ANAPC10: variants seen among roughly 807,000 people sequenced by gnomAD.
The protein encoded by ANAPC10 is anaphase promoting complex subunit 10, also known as anaphase-promoting complex subunit 10.
A neutral mutation model predicts 22.0 loss-of-function variants in ANAPC10; 12 were observed. The observed-to-expected ratio is 0.55, with a 90% CI of 0.35 to 0.88. The LOEUF (loss-of-function observed/expected upper bound fraction) is 0.88, where lower values mean the gene tolerates loss of function less well. Ranked by LOEUF, ANAPC10 falls within the 40% of genes least tolerant of loss-of-function variation. ANAPC10 has a pLI of 0.01. For missense variants in ANAPC10, 188 were observed against 220.9 expected, an observed-to-expected ratio of 0.85 and a Z score of 0.94; for synonymous variants, 65 against 69.5, an observed-to-expected ratio of 0.94 and a Z score of 0.32.
At chr4:145,008,025 G>A (rs952886740) in intron 4 of ANAPC10, among the ~76,000 whole-genome samples, 5 of 151,974 alleles carry the variant, frequency 3.3e-5, no homozygotes, top group Admixed American at 6.6e-5. Flanking sequence ...TCCCACAGAA[G>A]TACAAACTAC....
At chr4:145,006,421 C>G (rs1014259458) in intron 4 of ANAPC10, among the ~76,000 whole-genome samples, 3 of 151,742 alleles carry the variant, frequency 2.0e-5, no homozygotes, top group African/African-American at 7.3e-5. Context: ...TACATGTCTT[C>G]AAATAAGGAA....
At chr4:145,053,670 A>G in intron 4 of ANAPC10, 1 of 517,144 alleles carries the variant, frequency 1.9e-6, no homozygotes, top group South Asian at 2.9e-5. Flanking sequence ...AGAAATGGAC[A>G]CAGAAAAGTA....
intron 2 of ANAPC10, among the ~76,000 whole-genome samples, chr4:145,091,105 T>C (rs768075117): frequency 9.2e-5 from 14 of 152,230 alleles, no homozygotes; most frequent in Non-Finnish European, 1.9e-4. Flanking sequence ...ACATATGACA[T>C]TGCACTACTG....
rs545745638 is a variant in ANAPC10 at position 145,014,984 on chromosome 4, G to C, written c.328-19381C>G. 5.5e-4 allele frequency among the ~76,000 whole-genome samples: 84 copies of C among 152,200 alleles called. 1 individual carries two copies. The highest frequency in any genetic ancestry group is 2.0e-3 in the African/African-American group (83 of 41,522). ...CCTCTGACAGAGGCTATGCAAATGA[G>C]AAAGAACCAGAAAACCAACCCTGGT... On this transcript the variant is annotated intron_variant, in intron 4 of 4. Coordinates refer to ENST00000507656, the MANE Select transcript of ANAPC10 (RefSeq NM_001256706.2).
upstream of ANAPC10, chr4:145,098,253 A>G (rs766797098): frequency 5.9e-5 from 9 of 152,270 alleles, no homozygotes; most frequent in African/African-American, 1.4e-4. Context: ...GTTCCGCCTC[A>G]CGCTCTATGT....
chr4:145,033,554 G>A (rs892538667), intron 4 of ANAPC10, among the ~76,000 whole-genome samples: 1 of 152,182 alleles, frequency 6.6e-6, no homozygotes, highest in African/African-American at 2.4e-5. Context: ...GGAAGAATAT[G>A]CATGGAATAC....
At chr4:145,015,587 A>G (rs1370130746) in intron 4 of ANAPC10, among the ~76,000 whole-genome samples, 1 of 152,134 alleles carries the variant, frequency 6.6e-6, no homozygotes, top group Non-Finnish European at 1.5e-5. Flanking sequence ...AAGCACAAAG[A>G]ACACCTGGAA....
At chr4:145,050,794 T>C (rs1463926235) in intron 4 of ANAPC10, among the ~76,000 whole-genome samples, 2 of 152,194 alleles carry the variant, frequency 1.3e-5, no homozygotes, top group African/African-American at 4.8e-5. Context: ...GCCTTCCTAA[T>C]ATTGAAGAGA....
intron 4 of ANAPC10, among the ~76,000 whole-genome samples, chr4:145,038,032 GC>G (rs1206037378): frequency 4.6e-5 from 7 of 151,000 alleles, no homozygotes; most frequent in African/African-American, 1.7e-4. Context: ...TAACAATGAA[GC>G]CTTTAAAAGG....
chr4:145,040,295 T>C (rs1410505836), intron 4 of ANAPC10, among the ~76,000 whole-genome samples: 1 of 152,026 alleles, frequency 6.6e-6, no homozygotes, highest in Non-Finnish European at 1.5e-5. Context: ...GATACAGGCA[T>C]GTGCCACCAC....
intron 3 of ANAPC10, among the ~76,000 whole-genome samples, chr4:145,081,361 C>G (rs958337754): frequency 6.6e-6 from 1 of 151,908 alleles, no homozygotes; most frequent in East Asian, 1.9e-4. Context: ...GGGCCATAAG[C>G]AAAATATATC....
chr4:145,053,593 A>C (rs886980268), intron 4 of ANAPC10: 2 of 428,672 alleles, frequency 4.7e-6, no homozygotes, highest in African/African-American at 4.1e-5. Context: ...TTTCAAATAC[A>C]AGAGGAAAGA....
At chr4:145,061,585 T>G (rs1488049840) in intron 4 of ANAPC10, among the ~76,000 whole-genome samples, 2 of 152,184 alleles carry the variant, frequency 1.3e-5, no homozygotes, top group African/African-American at 4.8e-5. Flanking sequence ...AACATTTTAT[T>G]GCTAGTGTTT....
At chr4:145,066,319 A>C (rs1436964419) in intron 3 of ANAPC10, among the ~76,000 whole-genome samples, 1 of 152,170 alleles carries the variant, frequency 6.6e-6, no homozygotes, top group Non-Finnish European at 1.5e-5. Context: ...AAAGGTATCA[A>C]ACTGACATCT....
rs1000380360 is a variant in ANAPC10 at position 144,995,282 on chromosome 4, C to T, written c.*91G>A. 33 of 719,078 alleles carry T rather than the reference C, an allele frequency of 4.6e-5. No individual in the cohort carries two copies. In the Middle Eastern group the frequency reaches 1.2e-3, roughly 27 times the overall value. 44.5% of individuals were successfully genotyped at this position (719,078 alleles called of 1,614,324 possible). ...TAAACATATACAAAATTAGATATAA[C>T]GGATGCCTTGTTCAATAAAGGTACA... On this transcript the variant is annotated 3_prime_UTR_variant, in exon 5 of 5. Coordinates refer to ENST00000507656, the MANE Select transcript of ANAPC10 (RefSeq NM_001256706.2).
chr4:145,081,481 CA>C, intron 3 of ANAPC10, 178 bp downstream of exon 3: 2 of 456,896 alleles, frequency 4.4e-6, no homozygotes, highest in Middle Eastern at 5.9e-4. Context: ...AAAAATAAGA[CA>C]GAGTAACTTT....
intron 3 of ANAPC10, among the ~76,000 whole-genome samples, chr4:145,078,301 G>C (rs913423322): frequency 6.6e-6 from 1 of 151,584 alleles, no homozygotes; most frequent in African/African-American, 2.4e-5. Flanking sequence ...TAAAACACCT[G>C]GGAATACAGC....
intron 4 of ANAPC10, among the ~76,000 whole-genome samples, chr4:145,054,234 T>C (rs542891903): frequency 8.0e-5 from 12 of 150,366 alleles, no homozygotes; most frequent in Non-Finnish European, 1.5e-4. Context: ...ATCAGCAACA[T>C]GTTAGTCGCC....
intron 4 of ANAPC10, among the ~76,000 whole-genome samples, chr4:145,013,294 GAACA>G (rs1329792331): frequency 2.0e-5 from 3 of 151,896 alleles, no homozygotes; most frequent in East Asian, 1.9e-4. Flanking sequence ...AAAAAACCTA[GAACA>G]AATACTAGCA....
Sources: gnomAD v4.1 joint callset for allele counts (sites outside exome capture counted in the v4.1 genomes callset) on GRCh38, gnomAD v4.1.1 for gene constraint, MANE v1.5 for transcripts, NCBI Gene and HGNC (gene_info 2026-07-23, HGNC 2026-07-21) for gene names.